LRRC7: variants seen among roughly 807,000 people sequenced by gnomAD.
LRRC7 encodes leucine rich repeat containing 7.
In LRRC7, 23 loss-of-function variants were observed where a neutral mutation model predicts 175.7. That is an observed-to-expected ratio of 0.13 (90% CI 0.09 to 0.19). The LOEUF is 0.19. Ranked by LOEUF, LRRC7 falls within the 10% of genes least tolerant of loss-of-function variation. The probability of loss-of-function intolerance (pLI) is 1.00; values close to 1 mark genes in which losing one functional copy is unlikely to be tolerated. For synonymous variants in LRRC7, 685 were observed against 680.9 expected (o/e 1.01, Z -0.09); for missense variants, 1,354 against 1,904.7 (o/e 0.71, Z 5.38).
chr1:69,921,638 A>G (rs1267984947), intron 7 of LRRC7, among the ~76,000 whole-genome samples: 2 of 152,130 alleles, frequency 1.3e-5, no homozygotes, highest in Admixed American at 1.3e-4. Flanking sequence ...GGCCCCAATT[A>G]TATCCCACAT....
chr1:70,012,280 T>C (rs1656578412), intron 12 of LRRC7, among the ~76,000 whole-genome samples: 1 of 151,980 alleles, frequency 6.6e-6, no homozygotes, highest in Admixed American at 6.6e-5. Flanking sequence ...ACTTTTTAAA[T>C]GTACATATGC....
Position 70,038,951 on chromosome 1 carries a change from G to C in LRRC7, c.3127G>C (p.Asp1043His). ...AAGCCAGTCAGTCCCAATGCTGGATGATGAGATGCTCACCTACGGAAGTAG... is the reference window on the plus strand; with the variant it reads ...AAGCCAGTCAGTCCCAATGCTGGATCATGAGATGCTCACCTACGGAAGTAG... Reference protein sequence around the residue: ...SRSQSVPMLDDEMLTYGSSKG... With the variant: ...SRSQSVPMLDHEMLTYGSSKG... Residue 1043 changes from aspartate (D) to histidine (H), a missense_variant, in exon 21 of 27, where the codon GAT (aspartate) becomes CAT (histidine). Asp to His is a moderately conservative substitution (Grantham distance 81). Coordinates refer to ENST00000651989, the MANE Select transcript of LRRC7 (RefSeq NM_001370785.2). The C allele has an allele frequency of 6.2e-7, 1 of 1,614,010 alleles. No homozygotes were observed. Among genetic ancestry groups the C allele is most frequent in the Non-Finnish European group, 8.5e-7 (1 of 1,179,996 alleles).
At chr1:70,021,415 A>C (rs1657485639) in intron 16 of LRRC7, 2 of 246,482 alleles carry the variant, frequency 8.1e-6, no homozygotes, top group African/African-American at 4.6e-5. Flanking sequence ...TGTGTGATAG[A>C]CTTCATCTAA....
intron 1 of LRRC7, among the ~76,000 whole-genome samples, chr1:69,673,312 CTG>C (rs1375955827): frequency 6.6e-6 from 1 of 152,232 alleles, no homozygotes; most frequent in Non-Finnish European, 1.5e-5. Flanking sequence ...TTGCTTATAA[CTG>C]TTAATTGCTA....
Position 69,904,917 on chromosome 1 carries a change from C to T in LRRC7, c.648-26590C>T, listed in dbSNP as rs112487056. 1.8e-3 allele frequency among the ~76,000 whole-genome samples: 269 copies of T among 152,190 alleles called. 1 individual carries two copies. The highest frequency in any genetic ancestry group is 6.0e-3 in the African/African-American group (249 of 41,530). Reference sequence around the variant, plus strand: ...GCTCCCACTTATAACTGAGAATATGCGGTATTTGGTTTTCTGTGCCTGCAT... The same window carrying T: ...GCTCCCACTTATAACTGAGAATATGTGGTATTTGGTTTTCTGTGCCTGCAT... On this transcript the variant is annotated intron_variant, in intron 7 of 26. Transcript: ENST00000651989.
chr1:70,057,002 G>T (rs1021070725), intron 23 of LRRC7, among the ~76,000 whole-genome samples: 4 of 151,514 alleles, frequency 2.6e-5, no homozygotes, highest in East Asian at 1.9e-4. Context: ...TTAAATGTTG[G>T]GGGGGGAATC....
intron 5 of LRRC7, among the ~76,000 whole-genome samples, chr1:69,827,443 A>G (rs1245301340): frequency 6.6e-6 from 1 of 152,240 alleles, no homozygotes; most frequent in East Asian, 1.9e-4. Context: ...GCAAAAATGC[A>G]TAACACTGTA....
At chr1:69,761,642 A>G (rs1415253015) in intron 3 of LRRC7, among the ~76,000 whole-genome samples, 1 of 151,964 alleles carries the variant, frequency 6.6e-6, no homozygotes, top group African/African-American at 2.4e-5. Context: ...AATATTATTG[A>G]CTACATGGAT....
At chr1:69,765,601 T>A (rs1671537902) in intron 3 of LRRC7, among the ~76,000 whole-genome samples, 1 of 152,148 alleles carries the variant, frequency 6.6e-6, no homozygotes, top group Non-Finnish European at 1.5e-5. Context: ...ACGTTAATGA[T>A]GTTTGCCTAT....
At chr1:69,695,752 A>T (rs953588344) in intron 2 of LRRC7, among the ~76,000 whole-genome samples, 1 of 152,210 alleles carries the variant, frequency 6.6e-6, no homozygotes, top group African/African-American at 2.4e-5. Context: ...GCCTTAGCTT[A>T]AAGGGTCCCA....
intron 8 of LRRC7, among the ~76,000 whole-genome samples, chr1:69,951,265 G>A (rs1307942518): frequency 6.6e-6 from 1 of 151,932 alleles, no homozygotes; most frequent in African/African-American, 2.4e-5. Flanking sequence ...CAGTATGGCT[G>A]TTACTAAAAA....
At chr1:69,734,801 G>A (rs1016944736) in intron 2 of LRRC7, among the ~76,000 whole-genome samples, 20 of 151,762 alleles carry the variant, frequency 1.3e-4, no homozygotes, top group Admixed American at 3.9e-4. Context: ...TTGGTTTTAT[G>A]CTTCAGACAT....
At position 70,036,404 on chromosome 1, in the gene LRRC7, A is replaced by G. The variant is rs1476766416; in HGVS notation, c.2108-40A>G. 6 of 1,557,288 alleles carry G rather than the reference A, an allele frequency of 3.9e-6. No homozygotes were observed. In the African/African-American group the frequency reaches 8.2e-5, roughly 21 times the overall value. ...ATACTTGCTTTTCCGTGTAATTGTC[A>G]GTGTCATAGCATTATAACATTTTCC... On this transcript the variant is annotated intron_variant, in intron 19 of 26. Transcript: ENST00000651989.
chr1:70,005,786 G>T (rs1052877917), intron 11 of LRRC7, among the ~76,000 whole-genome samples: 1 of 152,138 alleles, frequency 6.6e-6, no homozygotes, highest in Non-Finnish European at 1.5e-5. Context: ...TCTAGGAGCT[G>T]GTTATACATG....
chr1:69,722,319 A>G (rs918703938), intron 2 of LRRC7, among the ~76,000 whole-genome samples: 1 of 151,982 alleles, frequency 6.6e-6, no homozygotes, highest in Non-Finnish European at 1.5e-5. Flanking sequence ...TTTATTTTGC[A>G]ACCAGTCTTT....
At chr1:69,569,574 G>A (rs577898239) in intron 1 of LRRC7, among the ~76,000 whole-genome samples, 83 of 151,898 alleles carry the variant, frequency 5.5e-4, no homozygotes, top group African/African-American at 1.8e-3. Flanking sequence ...ACTGTTTGCA[G>A]AGTCAAGAAT....
chr1:70,095,369 G>C (rs1664313358), intron 25 of LRRC7, among the ~76,000 whole-genome samples: 1 of 152,168 alleles, frequency 6.6e-6, no homozygotes, highest in East Asian at 1.9e-4. Flanking sequence ...TTGAGGTTCA[G>C]AATGCCACTA....
At chr1:69,923,622 G>A (rs569057873) in intron 7 of LRRC7, among the ~76,000 whole-genome samples, 22 of 152,288 alleles carry the variant, frequency 1.4e-4, no homozygotes, top group African/African-American at 4.3e-4. Flanking sequence ...GTCTGTTCAT[G>A]TCCTTTGCCC....
At chr1:69,891,777 AAAC>A (rs1347237697) in intron 7 of LRRC7, among the ~76,000 whole-genome samples, 1 of 152,174 alleles carries the variant, frequency 6.6e-6, no homozygotes, top group Non-Finnish European at 1.5e-5. Flanking sequence ...ATAATAGATA[AAAC>A]AATAAAGGAA....
Sources: gnomAD v4.1 joint callset for allele counts (sites outside exome capture counted in the v4.1 genomes callset) on GRCh38, gnomAD v4.1.1 for gene constraint, MANE v1.5 for transcripts, NCBI Gene and HGNC (gene_info 2026-07-23, HGNC 2026-07-21) for gene names.